Variants in TUSC3 observed in about 807,000 individuals in gnomAD.
TUSC3 encodes the protein dolichyl-diphosphooligosaccharide--protein glycosyltransferase subunit TUSC3.
In TUSC3, 45 loss-of-function variants were observed where a neutral mutation model predicts 44.8. That is an observed-to-expected ratio of 1.00 (90% CI 0.79 to 1.29). The LOEUF (loss-of-function observed/expected upper bound fraction) is 1.29, where lower values mean the gene tolerates loss of function less well. Among genes scored for constraint, TUSC3 ranks in the 50% most tolerant of loss-of-function variants. The pLI, the probability that TUSC3 is intolerant of heterozygous loss-of-function variation, is 0.00. For synonymous variants in TUSC3, 212 were observed against 152.9 expected (o/e 1.39, Z -2.85); for missense variants, 519 against 437.9 (o/e 1.19, Z -1.65).
At chr8:15,732,465 A>T (rs1393846694) in intron 7 of TUSC3, among the ~76,000 whole-genome samples, 1 of 152,176 alleles carries the variant, frequency 6.6e-6, no homozygotes, top group Non-Finnish European at 1.5e-5. Context: ...TGAGTCCGTT[A>T]AACCTTTGTT....
chr8:15,607,295 A>G (rs1321453453), intron 1 of TUSC3, among the ~76,000 whole-genome samples: 2 of 152,146 alleles, frequency 1.3e-5, no homozygotes, highest in African/African-American at 4.8e-5. Flanking sequence ...CTGGGCATAC[A>G]GTGATGGTAG....
intron 1 of TUSC3, among the ~76,000 whole-genome samples, chr8:15,556,983 T>A (rs1472784992): frequency 6.7e-6 from 1 of 149,464 alleles, no homozygotes; most frequent in African/African-American, 2.4e-5. Context: ...TAATTTCTTT[T>A]GCTGTGCAGA....
At chr8:15,795,442 A>G in the TUSC3 span, among the ~76,000 whole-genome samples, 1 of 152,182 alleles carries the variant, frequency 6.6e-6, no homozygotes. Flanking sequence ...AGGACTTCCA[A>G]TGCACAGATA....
chr8:15,606,552 A>G (rs1447021371), intron 1 of TUSC3, among the ~76,000 whole-genome samples: 1 of 152,046 alleles, frequency 6.6e-6, no homozygotes, highest in Non-Finnish European at 1.5e-5. Context: ...GCACACACAA[A>G]TTGTGGATAT....
intron 1 of TUSC3, among the ~76,000 whole-genome samples, chr8:15,467,781 T>G (rs1229798502): frequency 6.6e-6 from 1 of 152,186 alleles, no homozygotes; most frequent in African/African-American, 2.4e-5. Flanking sequence ...CTGTCTTTCT[T>G]TTTATTTATC....
chr8:15,643,283 C>A (rs943973301), intron 2 of TUSC3, among the ~76,000 whole-genome samples: 2 of 152,158 alleles, frequency 1.3e-5, no homozygotes, highest in Non-Finnish European at 2.9e-5. Context: ...TTATTAGCAG[C>A]ATGAGAATGG....
At chr8:15,440,291 C>G (rs1219358893) in intron 1 of TUSC3, among the ~76,000 whole-genome samples, 1 of 152,054 alleles carries the variant, frequency 6.6e-6, no homozygotes, top group East Asian at 1.9e-4. Flanking sequence ...GGGAGTATGA[C>G]AGATCCAACA....
chr8:15,694,384 C>T (rs558199843), intron 6 of TUSC3, among the ~76,000 whole-genome samples: 9 of 145,792 alleles, frequency 6.2e-5, no homozygotes, highest in East Asian at 2.1e-4. Context: ...TGCAATAAGC[C>T]GAGATCACGC....
rs1563296867 is a variant in TUSC3 at position 15,573,168 on chromosome 8, T to TCTCTCTCTC, written c.138+32600_138+32601insCTCTCTCTC. On this transcript the variant is annotated intron_variant, in intron 1 of 10. Coordinates refer to ENST00000503731, the MANE Select transcript of TUSC3 (RefSeq NM_006765.4). The stretch of plus-strand genomic sequence containing the variant: ...TGCTTCAGTATAGTGTTCTCTCTCT[T>TCTCTCTCTC]TCTCTCTCTCTCTCTCTCTCTCTCT... Among the ~76,000 whole-genome samples the TCTCTCTCTC allele has an allele frequency of 6.7e-4, 57 of 85,526 alleles. 1 individual carries two copies. Among genetic ancestry groups the TCTCTCTCTC allele is most frequent in the African/African-American group, 2.0e-3 (40 of 20,000 alleles). 56.1% of individuals were successfully genotyped at this position (85,526 alleles called of 152,430 possible). A position where few individuals can be genotyped will look rare whatever the true frequency, so the allele number is the denominator to read the frequency against.
intron 2 of TUSC3, among the ~76,000 whole-genome samples, chr8:15,485,464 C>T (rs1423049682): frequency 5.2e-5 from 7 of 135,238 alleles, no homozygotes; most frequent in Non-Finnish European, 6.3e-5. Flanking sequence ...ACTCTGTTGT[C>T]TTTTTTTTTT....
At chr8:15,619,097 A>C (rs1236408432) in intron 1 of TUSC3, among the ~76,000 whole-genome samples, 1 of 152,206 alleles carries the variant, frequency 6.6e-6, no homozygotes, top group African/African-American at 2.4e-5. Context: ...TAAAATTCAA[A>C]GAAAAATCGT....
At chr8:15,651,675 C>G (rs1318473046) in intron 3 of TUSC3, among the ~76,000 whole-genome samples, 1 of 152,206 alleles carries the variant, frequency 6.6e-6, no homozygotes, top group Non-Finnish European at 1.5e-5. Flanking sequence ...GCACCTTCCT[C>G]TTGGACTTTG....
upstream of TUSC3, among the ~76,000 whole-genome samples, chr8:15,538,174 A>G (rs758087940): frequency 6.6e-6 from 1 of 152,212 alleles, no homozygotes; most frequent in Admixed American, 6.5e-5. Context: ...TTATTACACC[A>G]TGACCAAATA....
chr8:15,585,746 T>G (rs1455530843), intron 1 of TUSC3, among the ~76,000 whole-genome samples: 1 of 152,164 alleles, frequency 6.6e-6, no homozygotes, highest in Non-Finnish European at 1.5e-5. Flanking sequence ...CCTGTTCGAC[T>G]GTCGGAATGT....
chr8:15,566,785 G>C (rs985626182), intron 1 of TUSC3, among the ~76,000 whole-genome samples: 1 of 151,984 alleles, frequency 6.6e-6, no homozygotes, highest in Non-Finnish European at 1.5e-5. Flanking sequence ...CATCATGACT[G>C]GTTAATTTGT....
the TUSC3 span, among the ~76,000 whole-genome samples, chr8:15,810,410 G>T: frequency 6.6e-6 from 1 of 152,188 alleles, no homozygotes; most frequent in Non-Finnish European, 1.5e-5. Flanking sequence ...AGCTAAGGTG[G>T]GAGGATCACT....
chr8:15,438,173 C>T (rs1281644727), intron 1 of TUSC3, among the ~76,000 whole-genome samples: 5 of 152,170 alleles, frequency 3.3e-5, no homozygotes, highest in Non-Finnish European at 7.3e-5. Context: ...CGGCTCCCTG[C>T]AATCTCCGTC....
chr8:15,491,599 C>T (rs1190322147), intron 2 of TUSC3, among the ~76,000 whole-genome samples: 1 of 152,140 alleles, frequency 6.6e-6, no homozygotes, highest in Non-Finnish European at 1.5e-5. Context: ...TACACTGTGA[C>T]AAATAGGGCT....
At chr8:15,810,107 T>A in the TUSC3 span, among the ~76,000 whole-genome samples, 1 of 152,110 alleles carries the variant, frequency 6.6e-6, no homozygotes, top group Non-Finnish European at 1.5e-5. Flanking sequence ...TAGTGTGTCC[T>A]TGGACCAGCA....
Sources: gnomAD v4.1 joint callset for allele counts (sites outside exome capture counted in the v4.1 genomes callset) on GRCh38, gnomAD v4.1.1 for gene constraint, MANE v1.5 for transcripts, NCBI Gene and HGNC (gene_info 2026-07-23, HGNC 2026-07-21) for gene names.